Variants in HS3ST5 observed in about 807,000 individuals in gnomAD.
HS3ST5 encodes heparan sulfate-glucosamine 3-sulfotransferase 5.
A neutral mutation model predicts 25.4 loss-of-function variants in HS3ST5; 10 were observed. That is an observed-to-expected ratio of 0.39 (90% confidence interval 0.24 to 0.67). The LOEUF is 0.67. Ranked by LOEUF, HS3ST5 falls within the 30% of genes least tolerant of loss-of-function variation. The pLI, the probability that HS3ST5 is intolerant of heterozygous loss-of-function variation, is 0.44. For synonymous variants in HS3ST5, 170 were observed against 162.4 expected, an observed-to-expected ratio of 1.05 and a Z score of -0.36; for missense variants, 324 against 420.7, an observed-to-expected ratio of 0.77 and a Z score of 2.01.
intron 3 of HS3ST5, among the ~76,000 whole-genome samples, chr6:114,073,520 C>T (rs974379661): frequency 2.0e-5 from 3 of 152,096 alleles, no homozygotes; most frequent in Non-Finnish European, 2.9e-5. Context: ...TTTATGCAGC[C>T]AACAGACATA....
intron 1 of HS3ST5, among the ~76,000 whole-genome samples, chr6:114,341,783 G>A (rs1036274789): frequency 3.9e-5 from 6 of 152,078 alleles, no homozygotes; most frequent in Admixed American, 2.0e-4. Context: ...CTGCCCTCGC[G>A]CTCCAAACAG....
intron 1 of HS3ST5, chr6:114,231,473 T>A (rs1455808438): frequency 6.6e-6 from 1 of 152,128 alleles, no homozygotes; most frequent in Non-Finnish European, 1.5e-5. Flanking sequence ...AGTTACCCAG[T>A]CTCAGGCATT....
chr6:114,213,106 G>T (rs1407981405), intron 2 of HS3ST5, among the ~76,000 whole-genome samples: 3 of 152,084 alleles, frequency 2.0e-5, no homozygotes, highest in African/African-American at 7.2e-5. Context: ...TGGAGAGCTA[G>T]AAAGGGGATG....
At position 114,289,180 on chromosome 6, in the gene HS3ST5, C is replaced by G. The variant is rs182955936; in HGVS notation, c.-339+53015G>C. On this transcript the variant is annotated intron_variant, in intron 1 of 4. Coordinates refer to ENST00000312719, the MANE Select transcript of HS3ST5 (RefSeq NM_153612.4). ...TTAAAATCTATTTCATAGAAGATATCATAATACAACATTGTAGTTTTACAC... is the reference window on the plus strand; with the variant it reads ...TTAAAATCTATTTCATAGAAGATATGATAATACAACATTGTAGTTTTACAC... Among the ~76,000 whole-genome samples the G allele has an allele frequency of 2.0e-4, 31 of 152,046 alleles. No individual in the cohort carries two copies. The East Asian group carries it at 6.0e-3, about 29-fold the overall frequency.
At chr6:114,326,038 A>G (rs549729120) in intron 1 of HS3ST5, among the ~76,000 whole-genome samples, 2 of 151,516 alleles carry the variant, frequency 1.3e-5, no homozygotes, top group African/African-American at 2.4e-5. Context: ...TTAAATTGCA[A>G]TGCAATAATT....
At chr6:114,074,702 ATAACC>A in intron 3 of HS3ST5, among the ~76,000 whole-genome samples, 1 of 152,328 alleles carries the variant, frequency 6.6e-6, no homozygotes, top group East Asian at 1.9e-4. Context: ...TCTAAATAAA[ATAACC>A]TAAAACGAAA....
intron 1 of HS3ST5, among the ~76,000 whole-genome samples, chr6:114,278,173 ATTATTC>A (rs1773949283): frequency 1.3e-5 from 2 of 152,030 alleles, no homozygotes; most frequent in African/African-American, 4.8e-5. Context: ...GTGCTCTTCA[ATTATTC>A]TTATGCGATT....
At chr6:114,072,953 C>A (rs948411287) in intron 3 of HS3ST5, among the ~76,000 whole-genome samples, 14 of 152,010 alleles carry the variant, frequency 9.2e-5, no homozygotes, top group African/African-American at 3.4e-4. Flanking sequence ...GATATATAGA[C>A]CAATGGGACA....
At chr6:114,230,754 T>A (rs957882021) in intron 1 of HS3ST5, among the ~76,000 whole-genome samples, 6 of 151,180 alleles carry the variant, frequency 4.0e-5, no homozygotes, top group Non-Finnish European at 8.8e-5. Flanking sequence ...ACCCTGCTAT[T>A]TTTTTTTGTA....
At chr6:114,176,740 G>A (rs1329917587) in intron 2 of HS3ST5, among the ~76,000 whole-genome samples, 1 of 152,140 alleles carries the variant, frequency 6.6e-6, no homozygotes, top group Non-Finnish European at 1.5e-5. Flanking sequence ...AGGTATAATT[G>A]TTGAACACAT....
chr6:114,150,288 G>A (rs1778388856), intron 3 of HS3ST5, among the ~76,000 whole-genome samples: 1 of 152,074 alleles, frequency 6.6e-6, no homozygotes, highest in Admixed American at 6.5e-5. Context: ...CATAGCCTAC[G>A]TTCACACAAC....
At chr6:114,333,624 T>G in intron 1 of HS3ST5, among the ~76,000 whole-genome samples, 2 of 152,140 alleles carry the variant, frequency 1.3e-5, no homozygotes, top group South Asian at 4.2e-4. Flanking sequence ...AATCTGAAAA[T>G]ATTATGGCTA....
At chr6:114,143,045 T>C (rs1473816492) in intron 3 of HS3ST5, 1 of 152,200 alleles carries the variant, frequency 6.6e-6, no homozygotes, top group African/African-American at 2.4e-5. Flanking sequence ...GCTCTCTCTT[T>C]TCCCTTTACT....
At chr6:114,147,871 G>A (rs2348921) in intron 3 of HS3ST5, among the ~76,000 whole-genome samples, 53,474 of 151,992 alleles carry the variant, frequency 0.35, 9,922 homozygotes, top group South Asian at 0.5. Flanking sequence ...ATGAGCCACC[G>A]CACCTGGCAG....
intron 3 of HS3ST5, among the ~76,000 whole-genome samples, chr6:114,119,267 T>C (rs1296876252): frequency 1.3e-5 from 2 of 152,198 alleles, no homozygotes; most frequent in African/African-American, 2.4e-5. Context: ...CTTACACAGA[T>C]GGCAACACTG....
At chr6:114,138,026 C>G (rs1034468900) in intron 3 of HS3ST5, among the ~76,000 whole-genome samples, 4 of 151,926 alleles carry the variant, frequency 2.6e-5, no homozygotes, top group African/African-American at 9.7e-5. Context: ...ATAGCACTAG[C>G]ATTTTATAGA....
intron 3 of HS3ST5, among the ~76,000 whole-genome samples, chr6:114,116,668 A>T (rs1216113665): frequency 6.6e-6 from 1 of 151,986 alleles, no homozygotes; most frequent in East Asian, 1.9e-4. Context: ...TTCGCCTTCC[A>T]CTTCCCACCT....
chr6:114,217,444 T>A (rs571507904), intron 2 of HS3ST5, among the ~76,000 whole-genome samples: 8 of 152,214 alleles, frequency 5.3e-5, no homozygotes, highest in Non-Finnish European at 8.8e-5. Flanking sequence ...TATAATTATA[T>A]AAAGTTGTAT....
intron 1 of HS3ST5, among the ~76,000 whole-genome samples, chr6:114,294,441 CTTTTTTTTTTTT>C (rs57443813): frequency 5.8e-4 from 66 of 112,968 alleles, no homozygotes; most frequent in Non-Finnish European, 9.5e-4. Flanking sequence ...AGGTTAGAAA[CTTTTTTTTTTTT>C]TTTTTTTTTT....
Sources: gnomAD v4.1 joint callset for allele counts (sites outside exome capture counted in the v4.1 genomes callset) on GRCh38, gnomAD v4.1.1 for gene constraint, MANE v1.5 for transcripts, NCBI Gene and HGNC (gene_info 2026-07-23, HGNC 2026-07-21) for gene names.